GAB2: variants seen among roughly 807,000 people sequenced by gnomAD.
GAB2 encodes the protein GRB2-associated-binding protein 2.
GAB2 carries 26 observed loss-of-function variants against 65.5 expected under a neutral mutation model. That is an observed-to-expected ratio of 0.40 (90% CI 0.29 to 0.55). The LOEUF (loss-of-function observed/expected upper bound fraction) is 0.55, where lower values mean the gene tolerates loss of function less well. GAB2 is among the 20% of genes least tolerant of loss of function. The pLI, the probability that GAB2 is intolerant of heterozygous loss-of-function variation, is 0.53. For missense variants in GAB2, 884 were observed against 875.8 expected, an observed-to-expected ratio of 1.01 and a Z score of -0.12; for synonymous variants, 321 against 329.6, an observed-to-expected ratio of 0.97 and a Z score of 0.28.
At chr11:78,410,732 G>A (rs547511201) in intron 1 of GAB2, among the ~76,000 whole-genome samples, 10 of 152,180 alleles carry the variant, frequency 6.6e-5, no homozygotes, top group South Asian at 2.1e-4. Context: ...GAAGAACCCC[G>A]TATCTATTAA....
chr11:78,355,663 AGAG>A (rs1184228171), intron 1 of GAB2, among the ~76,000 whole-genome samples: 1 of 124,342 alleles, frequency 8.0e-6, no homozygotes, highest in African/African-American at 3.9e-5. Flanking sequence ...GGAAACAGAG[AGAG>A]ACCCTGTCTC....
intron 4 of GAB2, among the ~76,000 whole-genome samples, 156 bp from the exon 5 acceptor site, chr11:78,225,358 C>T (rs372809291): frequency 1.2e-3 from 185 of 152,340 alleles, no homozygotes; most frequent in African/African-American, 4.3e-3. Context: ...CACATCACTC[C>T]TCAGTTCAAA....
intron 3 of GAB2, among the ~76,000 whole-genome samples, chr11:78,230,120 A>C (rs1864798288): frequency 6.6e-6 from 1 of 152,260 alleles, no homozygotes; most frequent in African/African-American, 2.4e-5. Flanking sequence ...GTTGCATTAT[A>C]AATAATGAAT....
At chr11:78,401,110 G>C (rs1856965629) in intron 1 of GAB2, among the ~76,000 whole-genome samples, 1 of 143,712 alleles carries the variant, frequency 7.0e-6, no homozygotes, top group East Asian at 2.0e-4. Flanking sequence ...TACCAAGTGA[G>C]GTTTAAAAAA....
At chr11:78,277,476 T>C (rs1866205691) in intron 2 of GAB2, among the ~76,000 whole-genome samples, 2 of 152,148 alleles carry the variant, frequency 1.3e-5, no homozygotes, top group African/African-American at 4.8e-5. Flanking sequence ...TCCCAATCGA[T>C]AGAAAACACC....
At chr11:78,275,448 C>T (rs945740008) in intron 2 of GAB2, among the ~76,000 whole-genome samples, 3 of 151,716 alleles carry the variant, frequency 2.0e-5, no homozygotes, top group African/African-American at 4.9e-5. Context: ...AAAAAAAACA[C>T]TGAATGAATT....
At chr11:78,284,169 T>C (rs995074303) in intron 1 of GAB2, among the ~76,000 whole-genome samples, 1 of 152,196 alleles carries the variant, frequency 6.6e-6, no homozygotes, top group Admixed American at 6.5e-5. Flanking sequence ...TTTCATACTC[T>C]ACATCTAACC....
intron 1 of GAB2, among the ~76,000 whole-genome samples, chr11:78,291,542 GACTT>G (rs1398541002): frequency 8.4e-6 from 1 of 119,690 alleles, no homozygotes; most frequent in African/African-American, 3.1e-5. Flanking sequence ...TATCTTGAGA[GACTT>G]ACTTTTTTCT....
chr11:78,265,203 CAT>C (rs10530509), intron 2 of GAB2, among the ~76,000 whole-genome samples: 4,373 of 144,894 alleles, frequency 0.03, 232 homozygotes, highest in African/African-American at 0.1. Flanking sequence ...TTCTATACCA[CAT>C]ATATATATAT....
At chr11:78,333,275 T>C (rs1044514699) in intron 1 of GAB2, among the ~76,000 whole-genome samples, 1 of 152,212 alleles carries the variant, frequency 6.6e-6, no homozygotes, top group Non-Finnish European at 1.5e-5. Flanking sequence ...TTTTTATTTT[T>C]TATTTTTAGA....
At chr11:78,376,913 A>T (rs1284481310) in intron 1 of GAB2, among the ~76,000 whole-genome samples, 1 of 152,114 alleles carries the variant, frequency 6.6e-6, no homozygotes, top group Non-Finnish European at 1.5e-5. Flanking sequence ...AGATCATGGG[A>T]GTGGATCCCT....
intron 1 of GAB2, among the ~76,000 whole-genome samples, chr11:78,332,346 G>A (rs568641090): frequency 2.6e-5 from 4 of 152,154 alleles, no homozygotes; most frequent in Non-Finnish European, 5.9e-5. Context: ...ACCAACCTAG[G>A]GAGATCAACT....
chr11:78,220,991 A>T (rs1173373399), intron 8 of GAB2, among the ~76,000 whole-genome samples: 1 of 152,176 alleles, frequency 6.6e-6, no homozygotes, highest in African/African-American at 2.4e-5. Flanking sequence ...TAGCTCCTCC[A>T]AGATCTGAAG....
intron 1 of GAB2, among the ~76,000 whole-genome samples, chr11:78,285,942 A>G (rs1866468575): frequency 6.6e-6 from 1 of 152,172 alleles, no homozygotes. Context: ...AACAATCATG[A>G]GTGTTTTTGT....
At chr11:78,301,199 C>G (rs1315209150) in intron 1 of GAB2, among the ~76,000 whole-genome samples, 9 of 152,170 alleles carry the variant, frequency 5.9e-5, no homozygotes, top group South Asian at 2.1e-4. Context: ...CATATACACA[C>G]ACATAATGGG....
At chr11:78,282,743 C>T (rs1288822234) in intron 1 of GAB2, among the ~76,000 whole-genome samples, 6 of 152,162 alleles carry the variant, frequency 3.9e-5, no homozygotes, top group Non-Finnish European at 8.8e-5. Context: ...ACTTTGTATA[C>T]ACCCTGAAGC....
At chr11:78,391,672 T>TA (rs1384727727) in intron 1 of GAB2, among the ~76,000 whole-genome samples, 1 of 152,198 alleles carries the variant, frequency 6.6e-6, no homozygotes, top group Non-Finnish European at 1.5e-5. Context: ...GACAGGTATG[T>TA]AAGTGATGCT....
intron 5 of GAB2, among the ~76,000 whole-genome samples, chr11:78,224,051 C>T (rs1232828062): frequency 6.6e-6 from 1 of 152,048 alleles, no homozygotes; most frequent in African/African-American, 2.4e-5. Flanking sequence ...CACTGCACTC[C>T]AGCCTGGGTG....
intron 1 of GAB2, among the ~76,000 whole-genome samples, chr11:78,371,382 A>G (rs1856569631): frequency 6.6e-6 from 1 of 152,246 alleles, no homozygotes; most frequent in African/African-American, 2.4e-5. Flanking sequence ...CTGTATAATC[A>G]GGATATTACA....
Sources: gnomAD v4.1 joint callset for allele counts (sites outside exome capture counted in the v4.1 genomes callset) on GRCh38, gnomAD v4.1.1 for gene constraint, MANE v1.5 for transcripts, NCBI Gene and HGNC (gene_info 2026-07-23, HGNC 2026-07-21) for gene names.